Variants in MICAL3 observed in about 807,000 individuals in gnomAD.
The protein encoded by MICAL3 is microtubule associated monooxygenase, calponin and LIM domain containing 3.
In MICAL3, 62 loss-of-function variants were observed where a neutral mutation model predicts 207.4. The ratio of observed to expected loss-of-function variants is 0.30; its 90% CI spans 0.24 to 0.37. The LOEUF is 0.37. MICAL3 is among the 10% of genes least tolerant of loss of function. MICAL3 has a pLI of 1.00. For missense variants in MICAL3, 2,368 were observed against 2,635.6 expected (o/e 0.90, Z 2.22); for synonymous variants, 1,077 against 1,069.3 (o/e 1.01, Z -0.14).
rs1256770924 is a variant in MICAL3 at position 17,877,333 on chromosome 22, TGGAGGTTAG to T, written c.2242-5319_2242-5311del. 7.8e-3 allele frequency among the ~76,000 whole-genome samples: 87 copies of T among 11,214 alleles called. 4 individuals carry two copies. Among genetic ancestry groups the T allele is most frequent in the African/African-American group, 0.03 (53 of 1,762 alleles). The allele number at this position is 11,214 out of a possible 152,430, so 7.4% of individuals were successfully genotyped here. A position where few individuals can be genotyped will look rare whatever the true frequency, so the allele number is the denominator to read the frequency against. ...GAGGTTAGGGAGGTTAGGGAGGTTA[TGGAGGTTAG>T]GGAGGTTAGGGAGGTTATGGAGGTT... On this transcript the variant is annotated intron_variant, in intron 16 of 31. Transcript: ENST00000441493.
intron 1 of MICAL3, among the ~76,000 whole-genome samples, chr22:18,008,241 GAA>G (rs1923527196): frequency 6.6e-6 from 1 of 150,558 alleles, no homozygotes; most frequent in African/African-American, 2.4e-5. Flanking sequence ...CTCCACCTCA[GAA>G]AAAAAAAGCA....
At chr22:17,881,961 A>G (rs980435995) in intron 16 of MICAL3, among the ~76,000 whole-genome samples, 2 of 151,980 alleles carry the variant, frequency 1.3e-5, no homozygotes, top group African/African-American at 2.4e-5. Flanking sequence ...CTGGTATTTG[A>G]GAAACAATCA....
chr22:17,882,873 C>G (rs1303955970), intron 16 of MICAL3, among the ~76,000 whole-genome samples: 1 of 152,194 alleles, frequency 6.6e-6, no homozygotes, highest in Admixed American at 6.5e-5. Flanking sequence ...GCCTGCCAGT[C>G]TCCTACTCCA....
chr22:17,983,012 C>T (rs1935996562), intron 1 of MICAL3, among the ~76,000 whole-genome samples: 1 of 152,150 alleles, frequency 6.6e-6, no homozygotes, highest in African/African-American at 2.4e-5. Context: ...TGGGCTGAGG[C>T]CACAGCCTGG....
chr22:17,969,491 A>G (rs1935305031), intron 1 of MICAL3, among the ~76,000 whole-genome samples: 3 of 152,240 alleles, frequency 2.0e-5, no homozygotes, highest in African/African-American at 7.2e-5. Context: ...GATTAAAATG[A>G]GAACTCCTTT....
Position 17,901,954 on chromosome 22 carries a change from G to A in MICAL3, c.615C>T (p.His205=), listed in dbSNP as rs1301758693. The A allele has an allele frequency of 6.2e-7, 1 of 1,613,554 alleles. No individual in the cohort carries two copies. The highest frequency in any genetic ancestry group is 2.2e-5 in the East Asian group (1 of 44,876). The change falls in exon 5 of 32, where the codon CAC becomes CAT. Residue 205 remains histidine (H), a synonymous_variant. Transcript: ENST00000441493. The part of the protein sequence containing the change: ...NERIGWRALV[H]PKTHPVSEYE... ...ACTCTGACACAGGATGAGTCTTGGG[G>A]TGCACCAGTGCCCGCCAGCCTATCC...
At chr22:17,978,302 A>T (rs1176506825) in intron 1 of MICAL3, among the ~76,000 whole-genome samples, 1 of 152,228 alleles carries the variant, frequency 6.6e-6, no homozygotes, top group East Asian at 1.9e-4. Flanking sequence ...AAGGGCAAAT[A>T]TTGTATGACT....
rs1008690878 is a variant in MICAL3, at chr22:17,865,787, C to T, written c.2517+137G>A. 1.4e-5 allele frequency: 10 copies of T among 702,412 alleles called. No individual in the cohort carries two copies. In the African/African-American group the frequency reaches 1.7e-4, roughly 12 times the overall value. The allele number at this position is 702,412 out of a possible 1,614,324, so 43.5% of individuals were successfully genotyped here. On this transcript the variant is annotated intron_variant, in intron 18 of 31. Transcript: ENST00000441493. ...TGGTTCCCTCTCCACCCCGGACTGC[C>T]ACTGCATTTCGGGCCCTCCCCGTTC... is the stretch of plus-strand genomic sequence containing the variant.
At chr22:17,875,337 C>T (rs60634608) in intron 16 of MICAL3, 14,593 of 577,760 alleles carry the variant, frequency 0.025, 194 homozygotes, top group Middle Eastern at 0.033. Context: ...CTACAGGAGA[C>T]GGGCCCAAGT....
At position 17,790,451 on chromosome 22, in the gene MICAL3, G is replaced by A. The variant is rs545855575; in HGVS notation, c.*281C>T. 258 of 455,724 alleles carry A rather than the reference G, an allele frequency of 5.7e-4. 1 individual carries two copies. Among genetic ancestry groups the A allele is most frequent in the African/African-American group, 3.7e-3 (187 of 51,212 alleles). 28.2% of individuals were successfully genotyped at this position (455,724 alleles called of 1,614,324 possible). On this transcript the variant is annotated 3_prime_UTR_variant, in exon 32 of 32. Transcript: ENST00000441493. ...CAGCCAGCACATCCTCAGGGAGCGC[G>A]CGGGGTGGTCCCCTGCGTCATGCCA...
chr22:17,875,783 C>T (rs367850847), intron 16 of MICAL3, among the ~76,000 whole-genome samples: 1 of 151,996 alleles, frequency 6.6e-6, no homozygotes, highest in South Asian at 2.1e-4. Context: ...TGCAGCAGAG[C>T]ACACCCTGGA....
At chr22:17,945,920 G>A (rs946978250) in intron 1 of MICAL3, among the ~76,000 whole-genome samples, 2 of 152,168 alleles carry the variant, frequency 1.3e-5, no homozygotes, top group Admixed American at 6.5e-5. Flanking sequence ...AAACTGAAGG[G>A]CCCAGCTGCT....
intron 24 of MICAL3, 132 bp from the exon 25 acceptor site, chr22:17,821,641 T>C (rs937658856): frequency 1.6e-5 from 12 of 741,586 alleles, no homozygotes; most frequent in African/African-American, 9.1e-5. Flanking sequence ...CCAGTTCTCC[T>C]GGAAAGCACA....
intron 13 of MICAL3, among the ~76,000 whole-genome samples, chr22:17,887,684 T>A (rs1930047719): frequency 6.6e-6 from 1 of 152,354 alleles, no homozygotes; most frequent in South Asian, 2.1e-4. Flanking sequence ...TCTACTACAG[T>A]TACCAAAACC....
rs576807191 is a variant in MICAL3, at chr22:17,796,417, G to A, written c.5651-5116C>T. On this transcript the variant is annotated intron_variant, in intron 29 of 31. Transcript: ENST00000441493. The surrounding 1 kb of genome is among the most constrained non-coding windows in gnomAD (Gnocchi z 4.4). ...GGATGGCACTCTCCGGCTTCAGGGC[G>A]CCCTCGCATGCACCACCCACGTGAT... Among the ~76,000 whole-genome samples, 37 of 152,364 alleles carry A rather than the reference G, an allele frequency of 2.4e-4. No homozygotes were observed. Among genetic ancestry groups the A allele is most frequent in the Non-Finnish European group, 4.7e-4 (32 of 68,040 alleles).
intron 1 of MICAL3, among the ~76,000 whole-genome samples, chr22:17,971,321 A>T (rs1285946185): frequency 6.6e-6 from 1 of 152,130 alleles, no homozygotes; most frequent in African/African-American, 2.4e-5. Flanking sequence ...ACAAAAAATT[A>T]GCTGGGCATG....
At chr22:17,929,138 T>C (rs531808800) in intron 1 of MICAL3, among the ~76,000 whole-genome samples, 148 of 145,624 alleles carry the variant, frequency 1.0e-3, no homozygotes, top group Admixed American at 2.3e-3. Context: ...TCCCTCTGTC[T>C]GCCAGGCTGG....
intron 1 of MICAL3, among the ~76,000 whole-genome samples, chr22:17,939,614 G>C (rs2146334568): frequency 6.6e-6 from 1 of 152,316 alleles, no homozygotes; most frequent in Middle Eastern, 3.4e-3. Context: ...ATGAAGAACA[G>C]ACCTGCCTCT....
intron 28 of MICAL3, among the ~76,000 whole-genome samples, chr22:17,809,181 G>C (rs1255246299): frequency 6.6e-6 from 1 of 152,248 alleles, no homozygotes; most frequent in Non-Finnish European, 1.5e-5. Flanking sequence ...CTCAAGTAGT[G>C]ACCACCCTCC....
Sources: gnomAD v4.1 joint callset for allele counts (sites outside exome capture counted in the v4.1 genomes callset) on GRCh38, gnomAD v4.1.1 for gene constraint, Gnocchi (gnomAD v3.1) non-coding constraint, MANE v1.5 for transcripts, NCBI Gene and HGNC (gene_info 2026-07-23, HGNC 2026-07-21) for gene names.